SYNE1: variants seen among roughly 807,000 people sequenced by gnomAD.
The protein encoded by SYNE1 is spectrin repeat containing nuclear envelope protein 1.
SYNE1 carries 616 observed loss-of-function variants against 1,111.0 expected under a neutral mutation model. The observed-to-expected ratio is 0.55, with a 90% CI of 0.52 to 0.59. The LOEUF is 0.59. Ranked by LOEUF, SYNE1 falls within the 20% of genes least tolerant of loss-of-function variation. SYNE1 has a pLI of 0.00. For synonymous variants in SYNE1, 3,855 were observed against 3,825.8 expected, an observed-to-expected ratio of 1.01 and a Z score of -0.28; for missense variants, 10,006 against 10,417.0, an observed-to-expected ratio of 0.96 and a Z score of 1.72.
chr6:152,313,474 T>G (rs941326271), intron 87 of SYNE1, among the ~76,000 whole-genome samples: 1 of 151,604 alleles, frequency 6.6e-6, no homozygotes, highest in South Asian at 2.1e-4. Context: ...CTTTTTTTTT[T>G]TTTTTTTGAA....
At chr6:152,180,088 C>T in intron 129 of SYNE1, 48 bp downstream of exon 129, 1 of 1,605,176 alleles carries the variant, frequency 6.2e-7, no homozygotes, top group Non-Finnish European at 8.5e-7. Context: ...GAAAAGTACA[C>T]ATAAGCCTTA....
Position 152,458,762 on chromosome 6 carries a change from G to A in SYNE1, c.2563C>T (p.His855Tyr), listed in dbSNP as rs139998612. Reference protein sequence around the residue: ...AQSSALFKQKHQELLACQENC... With the variant: ...AQSSALFKQKYQELLACQENC... The stretch of plus-strand genomic sequence containing the variant: ...CTGAAAAGGATTGTTCTCACCTGAT[G>A]TTTTTGTTTAAAAAGGGCACTCGAT... The change falls in exon 22 of 146, where the codon CAT (histidine) becomes TAT (tyrosine). Residue 855 changes from histidine to tyrosine, a missense_variant. Coordinates refer to ENST00000367255, the MANE Select transcript of SYNE1 (RefSeq NM_182961.4). 3.7e-6 allele frequency: 6 copies of A among 1,613,842 alleles called. No individual in the cohort carries two copies. The African/African-American group carries it at 6.7e-5, about 18-fold the overall frequency.
chr6:152,390,340 T>C lies in SYNE1; in HGVS notation c.8117A>G (p.Gln2706Arg), dbSNP rs1310915494. 1 of 1,614,182 alleles carries C rather than the reference T, an allele frequency of 6.2e-7. No individual in the cohort carries two copies. The highest frequency in any genetic ancestry group is 8.5e-7 in the Non-Finnish European group (1 of 1,180,028). The change falls in exon 53 of 146, where the codon CAG (glutamine) becomes CGG (arginine). Residue 2706 changes from glutamine to arginine, a missense_variant. Coordinates refer to ENST00000367255, the MANE Select transcript of SYNE1 (RefSeq NM_182961.4). Reference sequence around the variant, plus strand: ...CCACACTTCTTTAAGGGTCTCTAACTGAGTCTGAATCACCCTCTGACCTTC... The same window carrying C: ...CCACACTTCTTTAAGGGTCTCTAACCGAGTCTGAATCACCCTCTGACCTTC... ...NKEGQRVIQT[Q>R]LETLKEVWAD... is the part of the protein sequence containing the mutation.
At chr6:152,473,923 T>C (rs527902656) in intron 14 of SYNE1, among the ~76,000 whole-genome samples, 10 of 152,296 alleles carry the variant, frequency 6.6e-5, no homozygotes, top group Admixed American at 2.6e-4. Context: ...TGGTGGCTCA[T>C]GTCTGTAATC....
At chr6:152,145,438 T>C (rs2059302056) in intron 137 of SYNE1, 5 of 1,547,014 alleles carry the variant, frequency 3.2e-6, no homozygotes, top group South Asian at 1.1e-5. Flanking sequence ...GAGAGGAGGA[T>C]TGCTATACAG....
intron 3 of SYNE1, among the ~76,000 whole-genome samples, chr6:152,554,547 A>G (rs533571210): frequency 7.2e-5 from 11 of 152,202 alleles, no homozygotes; most frequent in African/African-American, 2.6e-4. Flanking sequence ...ACCATCTTAG[A>G]CATCTTAGTT....
At chr6:152,603,709 T>C (rs2099601645) in intron 3 of SYNE1, among the ~76,000 whole-genome samples, 1 of 151,088 alleles carries the variant, frequency 6.6e-6, no homozygotes, top group African/African-American at 2.4e-5. Context: ...AATATATAGA[T>C]ATGTATATCT....
intron 140 of SYNE1, among the ~76,000 whole-genome samples, chr6:152,139,607 G>A (rs2057944722): frequency 2.2e-5 from 3 of 137,538 alleles, no homozygotes; most frequent in South Asian, 5.3e-4. Context: ...AAGGGAGGGA[G>A]GGGGGAGAGA....
intron 91 of SYNE1, among the ~76,000 whole-genome samples, chr6:152,306,964 AG>A (rs2095401155): frequency 6.6e-6 from 1 of 151,964 alleles, no homozygotes; most frequent in East Asian, 1.9e-4. Flanking sequence ...ACAACAAAAA[AG>A]TTTAGTAGTA....
At chr6:152,253,813 GTTTGGTTTTTTTTTTTTTTTTTTTTTTTT>G (rs1325358054) in intron 104 of SYNE1, among the ~76,000 whole-genome samples, 4,161 of 33,180 alleles carry the variant, frequency 0.13, 142 homozygotes, top group Admixed American at 0.18. Context: ...ATGTGTAGTG[GTTTGGTTTTTTTTTTTTTTTTTTTTTTTT>G]TTTTTTTTTT....
intron 84 of SYNE1, chr6:152,319,922 G>C (rs1398226053): frequency 6.6e-6 from 1 of 152,266 alleles, no homozygotes; most frequent in East Asian, 1.9e-4. Flanking sequence ...ACTTTGGGAG[G>C]CTGAGGCAGG....
chr6:152,287,243 T>C (rs2094383942), intron 95 of SYNE1, among the ~76,000 whole-genome samples: 1 of 152,238 alleles, frequency 6.6e-6, no homozygotes, highest in African/African-American at 2.4e-5. Context: ...TTAATTTTCA[T>C]GTCCAGTGTA....
chr6:152,282,217 A>G (rs930661766), intron 96 of SYNE1, among the ~76,000 whole-genome samples: 1 of 152,220 alleles, frequency 6.6e-6, no homozygotes, highest in Non-Finnish European at 1.5e-5. Flanking sequence ...CCTAGAGTTG[A>G]ACAAGGTATT....
At chr6:152,301,382 A>G (rs568323239) in intron 92 of SYNE1, among the ~76,000 whole-genome samples, 1 of 152,352 alleles carries the variant, frequency 6.6e-6, no homozygotes, top group African/African-American at 2.4e-5. Context: ...TCCAAAGCCA[A>G]GCTTTAGACG....
chr6:152,281,346 C>A (rs183908548), intron 97 of SYNE1, among the ~76,000 whole-genome samples: 1 of 152,312 alleles, frequency 6.6e-6, no homozygotes, highest in Non-Finnish European at 1.5e-5. Flanking sequence ...CAAAAGACAG[C>A]CTTCCCATCT....
chr6:152,126,514 A>G (rs2053511118), intron 145 of SYNE1: 1 of 152,194 alleles, frequency 6.6e-6, no homozygotes, highest in Admixed American at 6.5e-5. Flanking sequence ...TTGTGTTTAT[A>G]TAGGAAAAAT....
chr6:152,356,791 G>T (rs1015690100), intron 66 of SYNE1, among the ~76,000 whole-genome samples: 13 of 152,092 alleles, frequency 8.5e-5, no homozygotes, highest in African/African-American at 3.1e-4. Flanking sequence ...GAAAATGTAA[G>T]AATTAATGCA....
Position 152,433,797 on chromosome 6 carries a change from T to C in SYNE1, c.4459A>G (p.Lys1487Glu). ...SAMDMQISQI[K>E]VTIQEIESKL... ...AATATAATGTGTGAGCAGGTCACCT[T>C]AATTTGGCTGATTTGCATGTCCATG... The change falls in exon 34 of 146, where the codon AAG (lysine) becomes GAG (glutamate). Residue 1487 changes from lysine (K) to glutamate (E), a missense_variant and splice_region_variant. This residue lies in a region of SYNE1 where 1,971 missense variants were observed against 2,084.1 expected (regional missense o/e 0.95). Transcript: ENST00000367255. 6.2e-7 allele frequency: 1 copy of C among 1,613,778 alleles called. No homozygotes were observed. The highest frequency in any genetic ancestry group is 8.5e-7 in the Non-Finnish European group (1 of 1,179,724).
At chr6:152,258,315 T>G (rs900010135) in intron 101 of SYNE1, among the ~76,000 whole-genome samples, 1 of 152,222 alleles carries the variant, frequency 6.6e-6, no homozygotes, top group East Asian at 1.9e-4. Context: ...GGATTGGTTA[T>G]GAGCACTGAG....
Sources: gnomAD v4.1 joint callset for allele counts (sites outside exome capture counted in the v4.1 genomes callset) on GRCh38, gnomAD v4.1.1 for gene constraint, gnomAD v4.1.1 regional missense constraint, MANE v1.5 for transcripts, NCBI Gene and HGNC (gene_info 2026-07-23, HGNC 2026-07-21) for gene names.